NRXN2: variants seen among roughly 807,000 people sequenced by gnomAD.
NRXN2 encodes the protein neurexin-2-beta.
In NRXN2, 29 loss-of-function variants were observed where a neutral mutation model predicts 128.8. The ratio of observed to expected loss-of-function variants is 0.23; its 90% CI spans 0.17 to 0.31. The LOEUF (loss-of-function observed/expected upper bound fraction) is 0.31. Ranked by LOEUF, NRXN2 falls within the 10% of genes least tolerant of loss-of-function variation. NRXN2 has a pLI of 1.00. For synonymous variants in NRXN2, 1,098 were observed against 1,075.2 expected, an observed-to-expected ratio of 1.02 and a Z score of -0.41; for missense variants, 1,881 against 2,452.6, an observed-to-expected ratio of 0.77 and a Z score of 4.92.
At chr11:64,652,009 C>T (rs1340974911) in intron 13 of NRXN2, 26 bp downstream of exon 13, 6 of 1,608,100 alleles carry the variant, frequency 3.7e-6, no homozygotes, top group Non-Finnish European at 5.1e-6. Flanking sequence ...GAGATGTGTC[C>T]ACCTCCCTGG....
intron 17 of NRXN2, among the ~76,000 whole-genome samples, chr11:64,636,311 C>T (rs918934224): frequency 6.2e-5 from 9 of 145,760 alleles, no homozygotes; most frequent in South Asian, 2.3e-4. Flanking sequence ...CTGCTGGGGG[C>T]GGGTGTGAGG....
chr11:64,707,096 G>T (rs1241731212), intron 2 of NRXN2, among the ~76,000 whole-genome samples: 1 of 151,998 alleles, frequency 6.6e-6, no homozygotes, highest in African/African-American at 2.4e-5. Context: ...AGAAAAATGG[G>T]TCAGGTGCGG....
In NRXN2 at chr11:64,716,183, T is replaced by TG. The variant is rs1183909771; in HGVS notation, c.-244-2241dup. ...CCACCCCCACCTCCGGACACTATTT[T>TG]GGGGAGGGAATTAATTAGCTATCGA... On this transcript the variant is annotated intron_variant, in intron 1 of 22. Transcript: ENST00000265459. 1.1e-4 allele frequency among the ~76,000 whole-genome samples: 17 copies of TG among 152,214 alleles called. No homozygotes were observed. In the East Asian group the frequency reaches 3.1e-3, roughly 28 times the overall value.
chr11:64,671,486 GCCC>G (rs2050618864), intron 7 of NRXN2, among the ~76,000 whole-genome samples: 1 of 152,064 alleles, frequency 6.6e-6, no homozygotes, highest in Non-Finnish European at 1.5e-5. Flanking sequence ...TGATGCCCCT[GCCC>G]CCCAACCTCC....
At chr11:64,626,432 A>G (rs1232559195) in intron 20 of NRXN2, 31 bp downstream of exon 20, 2 of 1,459,182 alleles carry the variant, frequency 1.4e-6, no homozygotes, top group Admixed American at 1.7e-5. Context: ...TTTAAAGTTA[A>G]TTAATTAATT....
chr11:64,629,922 A>C (rs1427400477), intron 19 of NRXN2, among the ~76,000 whole-genome samples: 3 of 151,980 alleles, frequency 2.0e-5, no homozygotes, highest in African/African-American at 7.3e-5. Flanking sequence ...GCTCTTTATA[A>C]GGACCTCGGT....
chr11:64,656,375 C>T (rs2048289269), intron 11 of NRXN2, among the ~76,000 whole-genome samples: 1 of 152,172 alleles, frequency 6.6e-6, no homozygotes, highest in Non-Finnish European at 1.5e-5. Context: ...TTCCAAGGGG[C>T]AGAACTAACG....
At chr11:64,679,403 C>T (rs559063250) in intron 6 of NRXN2, among the ~76,000 whole-genome samples, 6 of 151,698 alleles carry the variant, frequency 4.0e-5, no homozygotes, top group East Asian at 3.9e-4. Flanking sequence ...TTTGGGAGGC[C>T]GAGGCAGGCG....
At chr11:64,645,509 T>C (rs911541658) in intron 17 of NRXN2, among the ~76,000 whole-genome samples, 5 of 152,106 alleles carry the variant, frequency 3.3e-5, no homozygotes, top group African/African-American at 1.2e-4. Flanking sequence ...GCAGGCCTGA[T>C]GGGAACACCT....
chr11:64,657,801 C>G (rs111783651), intron 11 of NRXN2, among the ~76,000 whole-genome samples: 1 of 152,260 alleles, frequency 6.6e-6, no homozygotes, highest in Non-Finnish European at 1.5e-5. Flanking sequence ...TTGCACCAAG[C>G]CTTTGGTCAC....
intron 17 of NRXN2, chr11:64,642,726 T>A (rs1375228437): frequency 7.0e-7 from 1 of 1,438,086 alleles, no homozygotes; most frequent in Non-Finnish European, 9.2e-7. Flanking sequence ...GCGGCGGCGG[T>A]GGAGGCGGCG....
chr11:64,675,320 G>C (rs2051156775), intron 7 of NRXN2: 1 of 152,308 alleles, frequency 6.6e-6, no homozygotes, highest in Non-Finnish European at 1.5e-5. Context: ...ATGGGCACTA[G>C]TCTATATGGG....
intron 7 of NRXN2, 101 bp from the exon 8 acceptor site, chr11:64,668,705 G>A (rs750933949): frequency 8.9e-5 from 120 of 1,343,402 alleles, no homozygotes; most frequent in Admixed American, 5.2e-4. Flanking sequence ...GGGCAGCAGG[G>A]GAGGGGGACC....
chr11:64,654,329 G>C (rs912072498), intron 11 of NRXN2, among the ~76,000 whole-genome samples: 1 of 152,278 alleles, frequency 6.6e-6, no homozygotes, highest in Middle Eastern at 3.4e-3. Flanking sequence ...CCAATCCTGG[G>C]AAATGCCAGG....
In NRXN2 at chr11:64,671,207, A is replaced by G. The variant is rs1411186530; in HGVS notation, c.1198-2603T>C. Among the ~76,000 whole-genome samples, 5 of 152,230 alleles carry G rather than the reference A, an allele frequency of 3.3e-5. No homozygotes were observed. The East Asian group carries it at 9.6e-4, about 29-fold the overall frequency. ...GGGTGGAGTAGCAGGAGGAAGGACA[A>G]CATAAGGAAGTGCCCTGAGGAAAGG... On this transcript the variant is annotated intron_variant, in intron 7 of 22. Transcript: ENST00000265459.
Position 64,677,010 on chromosome 11 carries a change from T to G in NRXN2, c.1180A>C (p.Asn394His). ...QHAGIGHAMV[N>H]KLHYLVTISV... Reference sequence around the variant, plus strand: ...ATATCTACCAGATAATGCAGTTTGTTTACCATAGCGTGTCCAATCCCTGCG... The same window carrying G: ...ATATCTACCAGATAATGCAGTTTGTGTACCATAGCGTGTCCAATCCCTGCG... Residue 394 changes from asparagine to histidine, a missense_variant, in exon 7 of 23, where the codon AAC (asparagine) becomes CAC (histidine). Asn to His is a moderately conservative substitution (Grantham distance 68). Around this residue, in one of 7 missense-constraint regions of NRXN2, gnomAD observed 997 missense variants for 1,240.8 expected, o/e 0.80. Transcript: ENST00000265459. The G allele has an allele frequency of 6.2e-7, 1 of 1,606,050 alleles. No individual in the cohort carries two copies. The highest frequency in any genetic ancestry group is 8.5e-7 in the Non-Finnish European group (1 of 1,176,336).
At chr11:64,621,402 G>C (rs1176711309) in intron 21 of NRXN2, among the ~76,000 whole-genome samples, 1 of 152,136 alleles carries the variant, frequency 6.6e-6, no homozygotes, top group Non-Finnish European at 1.5e-5. Context: ...CCAGCCTTGG[G>C]TAGAGCCCAG....
At chr11:64,624,316 ATCCAGCCTCT>A (rs2042794889) in intron 20 of NRXN2, among the ~76,000 whole-genome samples, 2 of 152,196 alleles carry the variant, frequency 1.3e-5, no homozygotes, top group Admixed American at 6.5e-5. Context: ...CCAAACATCC[ATCCAGCCTCT>A]AGCCAATGAT....
chr11:64,653,871 C>A, intron 11 of NRXN2, 149 bp from the exon 12 acceptor site: 1 of 628,344 alleles, frequency 1.6e-6, no homozygotes, highest in Admixed American at 2.6e-5. Context: ...GCCCAGGTGC[C>A]CTCTTCCCTT....
Sources: gnomAD v4.1 joint callset for allele counts (sites outside exome capture counted in the v4.1 genomes callset) on GRCh38, gnomAD v4.1.1 for gene constraint, gnomAD v4.1.1 regional missense constraint, MANE v1.5 for transcripts, NCBI Gene and HGNC (gene_info 2026-07-23, HGNC 2026-07-21) for gene names.